The following PDZRN4 variants were observed in gnomAD, a reference collection of about 807,000 sequenced individuals.
PDZRN4 encodes the protein PDZ domain-containing RING finger protein 4.
A neutral mutation model predicts 99.0 loss-of-function variants in PDZRN4; 70 were observed. The ratio of observed to expected loss-of-function variants is 0.71; its 90% CI spans 0.58 to 0.86. The LOEUF is 0.86. PDZRN4 is among the 40% of genes least tolerant of loss of function. The pLI, the probability that PDZRN4 is intolerant of heterozygous loss-of-function variation, is 0.00. For synonymous variants in PDZRN4, 551 were observed against 501.6 expected, an observed-to-expected ratio of 1.10 and a Z score of -1.32; for missense variants, 1,474 against 1,331.2, an observed-to-expected ratio of 1.11 and a Z score of -1.67.
chr12:41,531,268 T>C (rs1191531120), intron 5 of PDZRN4, among the ~76,000 whole-genome samples: 1 of 151,890 alleles, frequency 6.6e-6, no homozygotes, highest in Admixed American at 6.6e-5. Context: ...TCCCTCGGAG[T>C]AGGGCCACTC....
intron 3 of PDZRN4, among the ~76,000 whole-genome samples, chr12:41,499,858 G>A (rs1008103949): frequency 1.3e-5 from 2 of 152,036 alleles, no homozygotes; most frequent in African/African-American, 2.4e-5. Context: ...TTAACTAAAT[G>A]TAATAATAGG....
intron 3 of PDZRN4, among the ~76,000 whole-genome samples, chr12:41,425,262 G>T (rs1952525657): frequency 6.6e-6 from 1 of 151,404 alleles, no homozygotes. Context: ...TAAAAATAAA[G>T]TTAACTTTCT....
chr12:41,528,172 T>A (rs955797869), intron 5 of PDZRN4, among the ~76,000 whole-genome samples: 1 of 149,568 alleles, frequency 6.7e-6, no homozygotes, highest in Non-Finnish European at 1.5e-5. Flanking sequence ...AAGGAGCCGT[T>A]TTTGGGGGGT....
chr12:41,528,076 A>G (rs760796664), intron 5 of PDZRN4, among the ~76,000 whole-genome samples: 1 of 152,258 alleles, frequency 6.6e-6, no homozygotes, highest in Non-Finnish European at 1.5e-5. Context: ...AAAGGGTAGT[A>G]AATTCTGTGA....
At chr12:41,523,450 C>T (rs1291978513) in intron 5 of PDZRN4, among the ~76,000 whole-genome samples, 2 of 152,096 alleles carry the variant, frequency 1.3e-5, no homozygotes, top group South Asian at 2.1e-4. Context: ...ACATAGTGAG[C>T]TCAGTGGAGT....
chr12:41,277,790 T>C (rs183259200), intron 3 of PDZRN4, among the ~76,000 whole-genome samples: 49 of 152,352 alleles, frequency 3.2e-4, no homozygotes, highest in Non-Finnish European at 1.3e-4. Flanking sequence ...TTAGAGGTAA[T>C]CAATTTCTCT....
chr12:41,238,766 TA>T (rs1201392275), intron 3 of PDZRN4, among the ~76,000 whole-genome samples: 1 of 150,754 alleles, frequency 6.6e-6, no homozygotes, highest in East Asian at 2.0e-4. Flanking sequence ...AAATAAAAAA[TA>T]AAAAACTCCG....
chr12:41,551,904 T>C (rs1939063652), intron 5 of PDZRN4, among the ~76,000 whole-genome samples: 1 of 152,198 alleles, frequency 6.6e-6, no homozygotes, highest in Non-Finnish European at 1.5e-5. Context: ...TTATTATTAT[T>C]TTACTGAACA....
At chr12:41,240,128 A>T (rs1157508585) in intron 3 of PDZRN4, among the ~76,000 whole-genome samples, 2 of 84,816 alleles carry the variant, frequency 2.4e-5, no homozygotes, top group Non-Finnish European at 4.9e-5. Context: ...GCTTTGAAAA[A>T]TTTGTCCTTG....
Position 41,469,737 on chromosome 12 carries a change from C to T in PDZRN4, c.844-36719C>T, listed in dbSNP as rs1952967354. Among the ~76,000 whole-genome samples the T allele has an allele frequency of 2.0e-5, 3 of 152,052 alleles. No homozygotes were observed. The South Asian group carries it at 6.2e-4, about 32-fold the overall frequency. On this transcript the variant is annotated intron_variant, in intron 3 of 9. Transcript: ENST00000402685. The stretch of plus-strand genomic sequence containing the variant: ...ACGAGGTCAGGAGATCGAGACCATC[C>T]TGGCTAACACGGTGAAACCCCGTCT...
At chr12:41,310,076 G>GTAC (rs1951596537) in intron 3 of PDZRN4, among the ~76,000 whole-genome samples, 1 of 152,024 alleles carries the variant, frequency 6.6e-6, no homozygotes, top group Admixed American at 6.6e-5. Context: ...AGGACTACAG[G>GTAC]TACATACCAC....
chr12:41,268,715 T>A (rs905843683), intron 3 of PDZRN4, among the ~76,000 whole-genome samples: 2 of 152,188 alleles, frequency 1.3e-5, no homozygotes, highest in African/African-American at 4.8e-5. Context: ...CATAAAGAAT[T>A]TTAGAGTCAG....
chr12:41,249,847 A>G (rs1198902300), intron 3 of PDZRN4, among the ~76,000 whole-genome samples: 1 of 152,206 alleles, frequency 6.6e-6, no homozygotes, highest in East Asian at 1.9e-4. Flanking sequence ...TCATAGGTAT[A>G]GAGTTTGGAT....
At chr12:41,250,012 TC>T (rs1199878936) in intron 3 of PDZRN4, among the ~76,000 whole-genome samples, 1 of 152,178 alleles carries the variant, frequency 6.6e-6, no homozygotes, top group African/African-American at 2.4e-5. Context: ...AGGGGACAAT[TC>T]TTTTAGACTG....
chr12:41,477,911 GC>G, intron 3 of PDZRN4: 1 of 1,543,520 alleles, frequency 6.5e-7, no homozygotes, highest in Non-Finnish European at 8.7e-7. Context: ...TGACATGTTG[GC>G]CATCCACTGT....
chr12:41,209,907 C>G (rs1390942698), intron 3 of PDZRN4, among the ~76,000 whole-genome samples: 3 of 148,264 alleles, frequency 2.0e-5, no homozygotes, highest in East Asian at 2.0e-4. Flanking sequence ...TTCTAGATCC[C>G]TGAGGAATCA....
At chr12:41,486,477 A>C (rs1847332230) in intron 3 of PDZRN4, among the ~76,000 whole-genome samples, 1 of 152,198 alleles carries the variant, frequency 6.6e-6, no homozygotes, top group Non-Finnish European at 1.5e-5. Flanking sequence ...GGAATCAAAC[A>C]AGATTCTATA....
intron 3 of PDZRN4, among the ~76,000 whole-genome samples, chr12:41,396,802 A>G (rs191012838): frequency 6.6e-6 from 1 of 152,280 alleles, no homozygotes; most frequent in Admixed American, 6.5e-5. Flanking sequence ...ATTTCTTCAT[A>G]TTGCTGAAGA....
intron 3 of PDZRN4, among the ~76,000 whole-genome samples, chr12:41,244,787 C>T (rs1234037210): frequency 6.7e-6 from 1 of 149,748 alleles, no homozygotes; most frequent in Non-Finnish European, 1.5e-5. Context: ...CGGGTTCACG[C>T]CATTCTCCTG....
Sources: gnomAD v4.1 joint callset for allele counts (sites outside exome capture counted in the v4.1 genomes callset) on GRCh38, gnomAD v4.1.1 for gene constraint, MANE v1.5 for transcripts, NCBI Gene and HGNC (gene_info 2026-07-23, HGNC 2026-07-21) for gene names.